The following BAAT variants were observed in gnomAD, a reference collection of about 807,000 sequenced individuals.
BAAT encodes the protein bile acid-CoA:amino acid N-acyltransferase, also known as bile acid CoA: amino acid N-acyltransferase (glycine N-choloyltransferase).
Under a neutral mutation model 18.9 loss-of-function variants are expected in BAAT, and 13 were observed. The ratio of observed to expected loss-of-function variants is 0.69; its 90% CI spans 0.45 to 1.10. The LOEUF is 1.10. Ranked by LOEUF, BAAT falls within the 50% of genes least tolerant of loss-of-function variation. The pLI, the probability that BAAT is intolerant of heterozygous loss-of-function variation, is 0.00. For missense variants in BAAT, 489 were observed against 504.0 expected, an observed-to-expected ratio of 0.97 and a Z score of 0.28; for synonymous variants, 170 against 190.7, an observed-to-expected ratio of 0.89 and a Z score of 0.89.
chr9:101,362,784 T>A lies in BAAT; in HGVS notation c.901A>T (p.Thr301Ser). 3.7e-6 allele frequency: 6 copies of A among 1,614,148 alleles called. No homozygotes were observed. Among genetic ancestry groups the A allele is most frequent in the Non-Finnish European group, 5.1e-6 (6 of 1,180,018 alleles). The change falls in exon 4 of 4, where the codon ACA becomes TCA. Residue 301 changes from threonine to serine, a missense_variant. Physicochemically the swap from Thr to Ser is moderately conservative, Grantham distance 58. Coordinates refer to ENST00000259407, the MANE Select transcript of BAAT (RefSeq NM_001701.4). ...TATTGACTGGCCCCAACTTGAGTTG[T>A]CTCAAAAGTGCGATAGAGCTCTAGT... ...GLLELYRTFE[T>S]TQVGASQYLF...
At chr9:101,377,694 C>G (rs1430593456) in intron 1 of BAAT, among the ~76,000 whole-genome samples, 1 of 152,074 alleles carries the variant, frequency 6.6e-6, no homozygotes, top group African/African-American at 2.4e-5. Context: ...AAAACCAGCA[C>G]AAGACAAGGA....
rs1407943730 is a variant in BAAT at position 101,362,251 on chromosome 9, T to A, written c.*177A>T. 6.1e-6 allele frequency: 4 copies of A among 658,722 alleles called. No homozygotes were observed. The highest frequency in any genetic ancestry group is 1.0e-5 in the Non-Finnish European group (4 of 385,824). 40.8% of individuals were successfully genotyped at this position (658,722 alleles called of 1,614,324 possible). A position where few individuals can be genotyped will look rare whatever the true frequency, so the allele number is the denominator to read the frequency against. ...GATTTATTCACCATGTCCAGTTTGG[T>A]TAGCTTGTTATGCAGTATAAGTGAA... On this transcript the variant is annotated 3_prime_UTR_variant, in exon 4 of 4. Transcript: ENST00000259407.
chr9:101,374,736 G>C (rs1180290804), intron 1 of BAAT, among the ~76,000 whole-genome samples: 1 of 151,936 alleles, frequency 6.6e-6, no homozygotes, highest in East Asian at 1.9e-4. Flanking sequence ...AGGAACCAAA[G>C]AAGTCAAATA....
At chr9:101,366,236 A>G (rs1439194762) in intron 3 of BAAT, among the ~76,000 whole-genome samples, 1 of 152,182 alleles carries the variant, frequency 6.6e-6, no homozygotes, top group African/African-American at 2.4e-5. Flanking sequence ...AGTAAAAGCA[A>G]GTATAACACG....
At chr9:101,380,482 C>A (rs1193136408) in intron 1 of BAAT, among the ~76,000 whole-genome samples, 1 of 152,110 alleles carries the variant, frequency 6.6e-6, no homozygotes, top group Admixed American at 6.5e-5. Context: ...GGTAGGTTTG[C>A]ACAGACCTGC....
chr9:101,372,887 C>G (rs975058731), intron 1 of BAAT, among the ~76,000 whole-genome samples: 4 of 152,080 alleles, frequency 2.6e-5, no homozygotes, highest in Non-Finnish European at 5.9e-5. Context: ...AACTAGAATT[C>G]CAAGAAACTG....
At chr9:101,367,695 A>G (rs1331649376) in intron 3 of BAAT, among the ~76,000 whole-genome samples, 1 of 152,084 alleles carries the variant, frequency 6.6e-6, no homozygotes, top group African/African-American at 2.4e-5. Context: ...TATGTTGCCC[A>G]GGCTGGTCTT....
intron 2 of BAAT, 94 bp downstream of exon 2, chr9:101,370,845 T>TA (rs1829924611): frequency 7.5e-7 from 1 of 1,334,436 alleles, no homozygotes; most frequent in African/African-American, 1.4e-5. Flanking sequence ...ATAACCAGAG[T>TA]AATTCTACAA....
chr9:101,369,427 T>C (rs868219465), intron 2 of BAAT, among the ~76,000 whole-genome samples: 4 of 152,192 alleles, frequency 2.6e-5, no homozygotes, highest in African/African-American at 9.7e-5. Flanking sequence ...GGAAGAATGT[T>C]ACAGTCATGA....
chr9:101,371,640 AAGAC>A (rs1219714823), intron 1 of BAAT, among the ~76,000 whole-genome samples, 177 bp from the exon 2 acceptor site: 1 of 152,204 alleles, frequency 6.6e-6, no homozygotes, highest in Non-Finnish European at 1.5e-5. Context: ...GAATTTCCAG[AAGAC>A]AGTAAGCAAG....
chr9:101,372,712 C>G (rs755807714), intron 1 of BAAT, among the ~76,000 whole-genome samples: 18 of 150,936 alleles, frequency 1.2e-4, no homozygotes, highest in Non-Finnish European at 1.8e-4. Flanking sequence ...AATTGAACTC[C>G]AGCAAGTGAC....
chr9:101,370,116 C>A (rs1829905814), intron 2 of BAAT, among the ~76,000 whole-genome samples: 1 of 152,018 alleles, frequency 6.6e-6, no homozygotes, highest in Admixed American at 6.6e-5. Flanking sequence ...TGAAACTCAA[C>A]CTGACAGAGC....
chr9:101,371,349 A>G lies in BAAT; in HGVS notation c.56T>C (p.Ile19Thr). ...VSALVDEPVH[I>T]RATGLIPFQM... Reference sequence around the variant, plus strand: ...AAAGGGAATCAGGCCTGTAGCTCGGATATGCACTGGCTCATCAACAAGTGC... The same window carrying G: ...AAAGGGAATCAGGCCTGTAGCTCGGGTATGCACTGGCTCATCAACAAGTGC... The change falls in exon 2 of 4, where the codon ATC becomes ACC. Residue 19 changes from isoleucine (I) to threonine (T), a missense_variant. By Grantham distance (89) the Ile-to-Thr change is moderately conservative. Transcript: ENST00000259407. The G allele has an allele frequency of 6.2e-7, 1 of 1,613,732 alleles. No homozygotes were observed. Among genetic ancestry groups the G allele is most frequent in the Non-Finnish European group, 8.5e-7 (1 of 1,180,000 alleles).
At chr9:101,376,124 T>TA (rs1830040223) in intron 1 of BAAT, 1 of 61,198 alleles carries the variant, frequency 1.6e-5, no homozygotes, top group African/African-American at 6.0e-5. Flanking sequence ...TTGGCTGGAA[T>TA]GTTTTTTTTT....
At chr9:101,363,603 C>T (rs1470947442) in intron 3 of BAAT, among the ~76,000 whole-genome samples, 1 of 151,622 alleles carries the variant, frequency 6.6e-6, no homozygotes, top group African/African-American at 2.4e-5. Flanking sequence ...GGAACAATCT[C>T]TTGTCATTAA....
rs1361313831 is a variant in BAAT, at chr9:101,384,868, C to T, written c.-73G>A. On this transcript the variant is annotated 5_prime_UTR_variant, in exon 1 of 4. Transcript: ENST00000259407. ...AAAAATACATACCTAGCAAGAGAAC[C>T]TGCCCCCAAAATTTCAGCGTAGGTT... Among the ~76,000 whole-genome samples the T allele has an allele frequency of 1.3e-5, 2 of 152,004 alleles. No individual in the cohort carries two copies. Among genetic ancestry groups the T allele is most frequent in the African/African-American group, 4.8e-5 (2 of 41,378 alleles).
intron 3 of BAAT, among the ~76,000 whole-genome samples, chr9:101,367,894 CAT>C (rs1241766280): frequency 6.6e-6 from 1 of 152,158 alleles, no homozygotes; most frequent in African/African-American, 2.4e-5. Flanking sequence ...TTATAATTCA[CAT>C]GATTTATTTC....
Position 101,371,193 on chromosome 9 carries a change from A to T in BAAT, c.212T>A (p.Met71Lys). ...GAAGAGACCCATGGGGTGGACTCCC[A>T]TATAATCCCCTCCAAGTGAAGAAGC... ...NHASSLGGDY[M>K]GVHPMGLFWS... The change falls in exon 2 of 4, where the codon ATG (methionine) becomes AAG (lysine). Residue 71 changes from methionine (M) to lysine (K), a missense_variant. Physicochemically the swap from Met to Lys is moderately conservative, Grantham distance 95. Coordinates refer to ENST00000259407, the MANE Select transcript of BAAT (RefSeq NM_001701.4). 6.2e-7 allele frequency: 1 copy of T among 1,614,168 alleles called. No individual in the cohort carries two copies. The highest frequency in any genetic ancestry group is 8.5e-7 in the Non-Finnish European group (1 of 1,179,996).
At chr9:101,373,447 T>C (rs1829991237) in intron 1 of BAAT, among the ~76,000 whole-genome samples, 1 of 152,196 alleles carries the variant, frequency 6.6e-6, no homozygotes, top group South Asian at 2.1e-4. Flanking sequence ...ATTTAATTCT[T>C]TGATATAAGC....
Sources: gnomAD v4.1 joint callset for allele counts (sites outside exome capture counted in the v4.1 genomes callset) on GRCh38, gnomAD v4.1.1 for gene constraint, MANE v1.5 for transcripts, NCBI Gene and HGNC (gene_info 2026-07-23, HGNC 2026-07-21) for gene names.